TTC34: variants seen among roughly 807,000 people sequenced by gnomAD.
TTC34 encodes tetratricopeptide repeat domain 34.
TTC34 carries 44 observed loss-of-function variants against 40.7 expected under a neutral mutation model. The observed-to-expected ratio is 1.08, with a 90% CI of 0.85 to 1.39. TTC34 has a LOEUF of 1.39. TTC34 is among the 40% of genes most tolerant of loss of function. The pLI, the probability that TTC34 is intolerant of heterozygous loss-of-function variation, is 0.00. For synonymous variants in TTC34, 422 were observed against 398.6 expected, an observed-to-expected ratio of 1.06 and a Z score of -0.70; for missense variants, 884 against 838.0, an observed-to-expected ratio of 1.05 and a Z score of -0.68.
intron 6 of TTC34, among the ~76,000 whole-genome samples, chr1:2,750,119 C>G (rs1641266772): frequency 1.4e-5 from 2 of 147,150 alleles, no homozygotes; most frequent in Non-Finnish European, 1.5e-5. Context: ...GAACAGCACC[C>G]ACACACCCAG....
At chr1:2,755,736 A>T (rs1641482129) in intron 6 of TTC34, among the ~76,000 whole-genome samples, 1 of 61,850 alleles carries the variant, frequency 1.6e-5, no homozygotes, top group East Asian at 6.1e-4. Context: ...CTGGAGCAGC[A>T]CCCACACACC....
chr1:2,783,499 A>T, intron 6 of TTC34, 110 bp downstream of exon 6: 1 of 1,137,008 alleles, frequency 8.8e-7, no homozygotes, highest in Non-Finnish European at 1.1e-6. Flanking sequence ...TGGGCATCTC[A>T]CTGCTCAGGA....
At chr1:2,759,570 C>T (rs1641623262) in intron 6 of TTC34, among the ~76,000 whole-genome samples, 2 of 152,034 alleles carry the variant, frequency 1.3e-5, no homozygotes, top group African/African-American at 4.8e-5. Flanking sequence ...CCCAGACGAG[C>T]ATCGGACAGC....
At chr1:2,652,098 C>G (rs1414644974) in intron 6 of TTC34, among the ~76,000 whole-genome samples, 3 of 42,756 alleles carry the variant, frequency 7.0e-5, no homozygotes, top group Non-Finnish European at 9.5e-5. Flanking sequence ...AGGTGAGCAT[C>G]TGACAGACTG....
At chr1:2,687,745 C>A (rs1447882799) in intron 6 of TTC34, among the ~76,000 whole-genome samples, 6 of 146,198 alleles carry the variant, frequency 4.1e-5, no homozygotes, top group Non-Finnish European at 3.0e-5. Context: ...GAACATCCGA[C>A]AGCCTGGAGC....
chr1:2,648,290 C>T (rs1374654253), intron 6 of TTC34, among the ~76,000 whole-genome samples: 1 of 152,180 alleles, frequency 6.6e-6, no homozygotes, highest in East Asian at 1.9e-4. Context: ...GGGCTGATTT[C>T]ACTCTGGGGG....
At chr1:2,776,374 G>A (rs1643163443) in intron 6 of TTC34, 1 of 142,598 alleles carries the variant, frequency 7.0e-6, no homozygotes, top group Non-Finnish European at 1.5e-5. Flanking sequence ...CTTCAGGTGA[G>A]CATCCGACAG....
At chr1:2,791,344 GTCC>G (rs1396007424) in intron 2 of TTC34, among the ~76,000 whole-genome samples, 1 of 152,198 alleles carries the variant, frequency 6.6e-6, no homozygotes, top group Non-Finnish European at 1.5e-5. Context: ...CGTTCTGAGG[GTCC>G]ATCCCAGACC....
chr1:2,789,275 T>C (rs896536289), intron 3 of TTC34, among the ~76,000 whole-genome samples: 2 of 152,268 alleles, frequency 1.3e-5, no homozygotes, highest in African/African-American at 4.8e-5. Context: ...CTATTTTACA[T>C]GCACCAAACG....
intron 6 of TTC34, among the ~76,000 whole-genome samples, chr1:2,698,891 C>CGAGGTGAGCATCTGACAGCCTGGCG (rs1557631216): frequency 6.7e-6 from 1 of 149,660 alleles, no homozygotes; most frequent in Non-Finnish European, 1.5e-5. Flanking sequence ...ACCCACACCC[C>CGAGGTGAGCATCTGACAGCCTGGCG]CAGGTGAGCA....
At chr1:2,750,261 A>G (rs1641271380) in intron 6 of TTC34, among the ~76,000 whole-genome samples, 1 of 142,844 alleles carries the variant, frequency 7.0e-6, no homozygotes, top group African/African-American at 2.7e-5. Context: ...TGGGCATCTG[A>G]CAGCCTGGAA....
chr1:2,672,189 ACCCCC>A (rs1639723961), intron 6 of TTC34, among the ~76,000 whole-genome samples: 4 of 142,390 alleles, frequency 2.8e-5, no homozygotes, highest in South Asian at 2.3e-4. Context: ...CAGCACCCAC[ACCCCC>A]AGGTGAGCAT....
intron 6 of TTC34, among the ~76,000 whole-genome samples, chr1:2,752,510 C>G (rs1351524032): frequency 0.042 from 283 of 6,750 alleles, 25 homozygotes; most frequent in East Asian, 0.15. Flanking sequence ...GAGCATCTGA[C>G]AGCCTGGAGC....
rs1157256398 is a variant in TTC34 at position 2,769,559 on chromosome 1, G to A, written c.2226+14050C>T. ...AGCAGCACCCCACACCTCCAGGGGA[G>A]CATCTGACATCCTGGAACAGCACCC... On this transcript the variant is annotated intron_variant, in intron 6 of 8. Transcript: ENST00000401095. 3.4e-5 allele frequency among the ~76,000 whole-genome samples: 4 copies of A among 117,640 alleles called. No homozygotes were observed. The Admixed American group carries it at 3.7e-4, about 11-fold the overall frequency. 77.2% of individuals were successfully genotyped at this position (117,640 alleles called of 152,430 possible).
At chr1:2,692,228 C>T (rs1167980579) in intron 6 of TTC34, among the ~76,000 whole-genome samples, 1 of 69,644 alleles carries the variant, frequency 1.4e-5, no homozygotes, top group Non-Finnish European at 3.5e-5. Context: ...CCCACATCCC[C>T]AGGCGAGCAT....
At chr1:2,699,454 C>G (rs1477885388) in intron 6 of TTC34, among the ~76,000 whole-genome samples, 1 of 120,170 alleles carries the variant, frequency 8.3e-6, no homozygotes, top group Non-Finnish European at 2.0e-5. Context: ...CACCCCGCAC[C>G]CACAGGCGAG....
intron 6 of TTC34, among the ~76,000 whole-genome samples, chr1:2,750,154 G>GC (rs1641267764): frequency 1.6e-5 from 2 of 127,138 alleles, no homozygotes; most frequent in African/African-American, 3.5e-5. Flanking sequence ...GCGTGGAGCA[G>GC]AACAAACACC....
At chr1:2,638,877 G>GC (rs1638842381) in exon 9 of TTC34, 1 of 152,308 alleles carries the variant, frequency 6.6e-6, no homozygotes, top group South Asian at 2.1e-4. Flanking sequence ...TATCTGGACT[G>GC]CCCCAACAGA....
At chr1:2,791,978 CACTGTTCA>C (rs372399851) in intron 2 of TTC34, among the ~76,000 whole-genome samples, 115 of 135,198 alleles carry the variant, frequency 8.5e-4, no homozygotes, top group African/African-American at 3.1e-3. Flanking sequence ...TCAATTATTG[CACTGTTCA>C]ACTCTAGACT....
Sources: gnomAD v4.1 joint callset for allele counts (sites outside exome capture counted in the v4.1 genomes callset) on GRCh38, gnomAD v4.1.1 for gene constraint, MANE v1.5 for transcripts, NCBI Gene and HGNC (gene_info 2026-07-23, HGNC 2026-07-21) for gene names.